SNX29: variants seen among roughly 807,000 people sequenced by gnomAD.
The protein encoded by SNX29 is sorting nexin-29.
SNX29 carries 78 observed loss-of-function variants against 102.1 expected under a neutral mutation model. That is an observed-to-expected ratio of 0.76 (90% CI 0.64 to 0.92). The LOEUF (loss-of-function observed/expected upper bound fraction) is 0.92, where lower values mean the gene tolerates loss of function less well. Ranked by LOEUF, SNX29 falls within the 40% of genes least tolerant of loss-of-function variation. SNX29 has a pLI of 0.00. For synonymous variants in SNX29, 580 were observed against 414.5 expected (o/e 1.40, Z -4.85); for missense variants, 1,280 against 1,061.7 (o/e 1.21, Z -2.86).
chr16:12,542,592 A>C (rs998578760), intron 20 of SNX29, among the ~76,000 whole-genome samples: 2 of 152,308 alleles, frequency 1.3e-5, no homozygotes, highest in East Asian at 1.9e-4. Context: ...TCAGCCTCCC[A>C]AAGTGCTGGG....
intron 19 of SNX29, among the ~76,000 whole-genome samples, chr16:12,519,952 C>G (rs938557053): frequency 6.6e-6 from 1 of 151,946 alleles, no homozygotes; most frequent in Non-Finnish European, 1.5e-5. Flanking sequence ...CCACTGCACT[C>G]CAGCCTGGGC....
intron 20 of SNX29, among the ~76,000 whole-genome samples, chr16:12,565,994 A>AC (rs547348174): frequency 2.6e-5 from 4 of 152,046 alleles, no homozygotes; most frequent in African/African-American, 4.8e-5. Flanking sequence ...CCACTTCTGC[A>AC]CCCCTTCATG....
intron 15 of SNX29, among the ~76,000 whole-genome samples, chr16:12,355,875 A>AAAAG (rs2082119929): frequency 7.3e-6 from 1 of 136,058 alleles, no homozygotes. Context: ...AAAAAAAAAA[A>AAAAG]AGAGAGAGGA....
intron 20 of SNX29, among the ~76,000 whole-genome samples, chr16:12,549,579 C>T (rs2856774): frequency 6.6e-6 from 1 of 152,160 alleles, no homozygotes; most frequent in Admixed American, 6.5e-5. Context: ...GACCCCAGCC[C>T]TAAGACCTGC....
intron 16 of SNX29, among the ~76,000 whole-genome samples, chr16:12,385,815 CAGAA>C (rs1325105404): frequency 6.6e-6 from 1 of 152,190 alleles, no homozygotes; most frequent in Non-Finnish European, 1.5e-5. Context: ...ATAACAGATA[CAGAA>C]AGAATTTATT....
chr16:12,143,298 G>T (rs2054931974), intron 13 of SNX29, among the ~76,000 whole-genome samples: 1 of 152,094 alleles, frequency 6.6e-6, no homozygotes, highest in Non-Finnish European at 1.5e-5. Flanking sequence ...CGCCTGGCCG[G>T]CCACAAGCAA....
At chr16:12,388,998 T>G (rs747401803) in intron 16 of SNX29, among the ~76,000 whole-genome samples, 4 of 152,208 alleles carry the variant, frequency 2.6e-5, no homozygotes, top group Non-Finnish European at 4.4e-5. Context: ...ACCTGCCGCT[T>G]AAACATCCTT....
At chr16:12,443,048 A>G in intron 18 of SNX29, 1 of 456,000 alleles carries the variant, frequency 2.2e-6, no homozygotes, top group Non-Finnish European at 4.4e-6. Flanking sequence ...GAAAACAGCC[A>G]GCAGGCCAGG....
intron 20 of SNX29, among the ~76,000 whole-genome samples, chr16:12,565,564 C>T (rs915251777): frequency 6.6e-6 from 1 of 152,076 alleles, no homozygotes. Context: ...GTCACAGAAG[C>T]CTACTGTCAC....
At chr16:12,551,443 A>G (rs1274292568) in intron 20 of SNX29, among the ~76,000 whole-genome samples, 1 of 152,214 alleles carries the variant, frequency 6.6e-6, no homozygotes, top group Non-Finnish European at 1.5e-5. Context: ...ATCACCCAGC[A>G]TGCTTTTAAA....
chr16:12,134,580 G>C (rs1225235552), intron 13 of SNX29, among the ~76,000 whole-genome samples: 2 of 152,324 alleles, frequency 1.3e-5, no homozygotes, highest in East Asian at 3.9e-4. Context: ...AGGAGCAGGA[G>C]AAGAGAGCGC....
At chr16:12,431,571 A>C (rs1488099311) in intron 18 of SNX29, among the ~76,000 whole-genome samples, 1 of 151,884 alleles carries the variant, frequency 6.6e-6, no homozygotes, top group Non-Finnish European at 1.5e-5. Context: ...AAGTGAAATA[A>C]ACTCATTCCC....
chr16:12,372,465 C>G (rs144106730), intron 16 of SNX29: 1 of 152,298 alleles, frequency 6.6e-6, no homozygotes, highest in African/African-American at 2.4e-5. Flanking sequence ...TTCCGTTGAG[C>G]TACACTCAGT....
chr16:12,193,305 A>G (rs893119989), intron 13 of SNX29, among the ~76,000 whole-genome samples: 6 of 152,032 alleles, frequency 3.9e-5, no homozygotes, highest in Non-Finnish European at 7.4e-5. Context: ...CCCCGTCCCT[A>G]CTGAAAATAA....
chr16:12,268,307 T>C (rs951949726), intron 14 of SNX29, among the ~76,000 whole-genome samples: 5 of 152,220 alleles, frequency 3.3e-5, no homozygotes, highest in African/African-American at 1.2e-4. Flanking sequence ...TAGTGCCTGG[T>C]ACCTGGCAGG....
At chr16:12,519,724 C>G (rs772808914) in intron 19 of SNX29, among the ~76,000 whole-genome samples, 2 of 152,214 alleles carry the variant, frequency 1.3e-5, no homozygotes, top group Admixed American at 1.3e-4. Flanking sequence ...CGTGATGTCT[C>G]ACACCTGTAA....
At chr16:12,412,159 G>C (rs1302481282) in intron 18 of SNX29, among the ~76,000 whole-genome samples, 1 of 152,214 alleles carries the variant, frequency 6.6e-6, no homozygotes, top group East Asian at 1.9e-4. Flanking sequence ...GGACGCCCCA[G>C]CCTCTGCTGC....
chr16:12,038,414 A>G (rs1313207790), intron 4 of SNX29, among the ~76,000 whole-genome samples: 3 of 152,080 alleles, frequency 2.0e-5, no homozygotes, highest in African/African-American at 7.2e-5. Flanking sequence ...GCTCTTCTCA[A>G]CACCCCTTCC....
intron 18 of SNX29, among the ~76,000 whole-genome samples, chr16:12,472,289 G>T (rs2087383834): frequency 6.6e-6 from 1 of 152,146 alleles, no homozygotes; most frequent in African/African-American, 2.4e-5. Context: ...GGGAGGCCGA[G>T]GTGGGTAGAT....
Sources: allele counts gnomAD v4.1 joint callset (sites outside exome capture counted in the v4.1 genomes callset), GRCh38; gene constraint gnomAD v4.1.1; transcripts MANE v1.5; gene names NCBI Gene and HGNC (gene_info 2026-07-23, HGNC 2026-07-21).